Variants in WRN observed in about 807,000 individuals in gnomAD.
The protein encoded by WRN is bifunctional 3'-5' exonuclease/ATP-dependent helicase WRN.
WRN carries 149 observed loss-of-function variants against 180.7 expected under a neutral mutation model. That is an observed-to-expected ratio of 0.82 (90% CI 0.72 to 0.94). The LOEUF (loss-of-function observed/expected upper bound fraction) is 0.94, where lower values mean the gene tolerates loss of function less well. WRN is among the 40% of genes least tolerant of loss of function. The probability of loss-of-function intolerance (pLI) is 0.00; values close to 1 mark genes in which losing one functional copy is unlikely to be tolerated. For synonymous variants in WRN, 548 were observed against 568.9 expected (o/e 0.96, Z 0.52); for missense variants, 1,661 against 1,700.1 (o/e 0.98, Z 0.40).
chr8:31,049,237 A>AAG (rs34411476), intron 1 of WRN, among the ~76,000 whole-genome samples: 4 of 147,586 alleles, frequency 2.7e-5, no homozygotes, highest in Non-Finnish European at 4.5e-5. Context: ...AAAAAAAAAA[A>AAG]GAAAGAAAAT....
At chr8:31,096,619 A>T in intron 16 of WRN, 149 bp from the exon 17 acceptor site, 2 of 662,062 alleles carry the variant, frequency 3.0e-6, no homozygotes, top group South Asian at 3.8e-5. Flanking sequence ...GCATTCTTTT[A>T]GATTTTCGTG....
chr8:31,090,667 A>G, intron 14 of WRN, 135 bp downstream of exon 14: 1 of 1,100,110 alleles, frequency 9.1e-7, no homozygotes, highest in Non-Finnish European at 1.3e-6. Flanking sequence ...AGAGTGAACA[A>G]AGAACAGATG....
intron 17 of WRN, among the ~76,000 whole-genome samples, chr8:31,097,069 C>T (rs1814018321): frequency 1.3e-5 from 2 of 152,142 alleles, no homozygotes; most frequent in South Asian, 4.1e-4. Flanking sequence ...TCATAATTAC[C>T]TGTTTATATA....
In WRN at chr8:31,033,843, T is replaced by C. The variant is rs985936067; in HGVS notation, c.-207T>C. 1.3e-5 allele frequency: 2 copies of C among 152,352 alleles called. No individual in the cohort carries two copies. Among genetic ancestry groups the C allele is most frequent in the Non-Finnish European group, 2.9e-5 (2 of 68,164 alleles). 9.4% of individuals were successfully genotyped at this position (152,352 alleles called of 1,614,324 possible). A position where few individuals can be genotyped will look rare whatever the true frequency, so the allele number is the denominator to read the frequency against. On this transcript the variant is annotated 5_prime_UTR_variant, in exon 1 of 35. Transcript: ENST00000298139. ...TGTGCGCCGGGGAGGCGCCGGCTTG[T>C]ACTCGGCAGCGCGGGAATAAAGTTT...
rs11574225 is a variant in WRN, at chr8:31,082,414, G to A, written c.1269+1118G>A. Among the ~76,000 whole-genome samples the A allele has an allele frequency of 5.6e-3, 851 of 152,204 alleles. 6 individuals are homozygous for A. The highest frequency in any genetic ancestry group is 0.02 in the African/African-American group (828 of 41,512). On this transcript the variant is annotated intron_variant, in intron 9 of 34. Transcript: ENST00000298139. Reference sequence around the variant, plus strand: ...TAATCACTTTTATCAGTATAAACATGCATTTCATTTTAAAATGGTTTTCAA... The same window carrying A: ...TAATCACTTTTATCAGTATAAACATACATTTCATTTTAAAATGGTTTTCAA...
intron 11 of WRN, among the ~76,000 whole-genome samples, chr8:31,087,327 C>T (rs538701394): frequency 3.2e-4 from 49 of 152,152 alleles, no homozygotes; most frequent in African/African-American, 1.2e-3. Flanking sequence ...TTGACAATTC[C>T]AAAACACATT....
chr8:31,051,190 G>A (rs1333567436), intron 1 of WRN, among the ~76,000 whole-genome samples: 1 of 151,962 alleles, frequency 6.6e-6, no homozygotes, highest in African/African-American at 2.4e-5. Context: ...TCCTTACCTA[G>A]TTAGAGGTTT....
At position 31,090,839 on chromosome 8, in the gene WRN, G is replaced by C. The variant is rs1396973081; in HGVS notation, c.1726G>C (p.Gly576Arg). 12 of 1,606,434 alleles carry C rather than the reference G, an allele frequency of 7.5e-6. No homozygotes were observed. Among genetic ancestry groups the C allele is most frequent in the Non-Finnish European group, 1.0e-5 (12 of 1,175,740 alleles). Residue 576 changes from glycine (G) to arginine (R), a missense_variant, in exon 15 of 35, where the codon GGA becomes CGA. Around this residue, in one of 3 missense-constraint regions of WRN, gnomAD observed 1,141 missense variants for 1,149.4 expected, o/e 0.99. Coordinates refer to ENST00000298139, the MANE Select transcript of WRN (RefSeq NM_000553.6). ...TATATTTTTTTCATTTCAAGGATAT[G>C]GAAAGAGTTTGTGCTTCCAGTATCC... ...DNVAVMATGY[G>R]KSLCFQYPPV...
intron 7 of WRN, among the ~76,000 whole-genome samples, chr8:31,069,881 G>T (rs1812842183): frequency 6.6e-6 from 1 of 151,988 alleles, no homozygotes; most frequent in Non-Finnish European, 1.5e-5. Flanking sequence ...ATTGCATGTA[G>T]GTTACATGTA....
At chr8:31,148,027 A>G (rs951704622) in intron 30 of WRN, among the ~76,000 whole-genome samples, 6 of 151,856 alleles carry the variant, frequency 4.0e-5, no homozygotes, top group Non-Finnish European at 7.4e-5. Context: ...AGCTGGGACT[A>G]CAGAACATGC....
chr8:31,104,109 C>A (rs1190917142), intron 18 of WRN, among the ~76,000 whole-genome samples: 1 of 152,080 alleles, frequency 6.6e-6, no homozygotes, highest in Admixed American at 6.5e-5. Context: ...GGATAAATGT[C>A]CAGGAGTGTA....
At chr8:31,168,696 T>C (rs894397909) in intron 34 of WRN, among the ~76,000 whole-genome samples, 2 of 152,196 alleles carry the variant, frequency 1.3e-5, no homozygotes, top group African/African-American at 4.8e-5. Context: ...AAAAGCTGAT[T>C]TCTGTAGAGT....
At chr8:31,146,123 T>C (rs1368850807) in intron 28 of WRN, among the ~76,000 whole-genome samples, 1 of 151,920 alleles carries the variant, frequency 6.6e-6, no homozygotes, top group Non-Finnish European at 1.5e-5. Flanking sequence ...CCAGCTGATT[T>C]CCCTGGCGTG....
At chr8:31,139,067 T>G (rs532555368) in intron 24 of WRN, among the ~76,000 whole-genome samples, 1 of 152,346 alleles carries the variant, frequency 6.6e-6, no homozygotes, top group Non-Finnish European at 1.5e-5. Flanking sequence ...CAATGTATCT[T>G]TACATTTATG....
At chr8:31,084,802 C>T (rs1813460044) in intron 10 of WRN, among the ~76,000 whole-genome samples, 1 of 152,094 alleles carries the variant, frequency 6.6e-6, no homozygotes, top group Non-Finnish European at 1.5e-5. Context: ...GTTCTTTGTA[C>T]AGCATTTTTC....
chr8:31,068,226 CA>C, intron 6 of WRN, 31 bp from the exon 7 acceptor site: 1 of 1,495,392 alleles, frequency 6.7e-7, no homozygotes, highest in Non-Finnish European at 9.2e-7. Context: ...TGATCTTTAG[CA>C]TACTTTTTAA....
At chr8:31,133,518 C>T (rs1262907047) in intron 24 of WRN, among the ~76,000 whole-genome samples, 1 of 150,674 alleles carries the variant, frequency 6.6e-6, no homozygotes, top group East Asian at 1.9e-4. Flanking sequence ...GAGCAAGATT[C>T]TGTCTCAATA....
intron 6 of WRN, among the ~76,000 whole-genome samples, chr8:31,067,777 C>T (rs1002423352): frequency 6.6e-6 from 1 of 152,068 alleles, no homozygotes; most frequent in Non-Finnish European, 1.5e-5. Flanking sequence ...TCTCCTAACT[C>T]ATGCTTTCAT....
intron 18 of WRN, among the ~76,000 whole-genome samples, chr8:31,102,268 C>A (rs1800903628): frequency 6.6e-6 from 1 of 152,198 alleles, no homozygotes; most frequent in African/African-American, 2.4e-5. Flanking sequence ...AATATTATTT[C>A]AAGAATGTTA....
Sources: allele counts gnomAD v4.1 joint callset (sites outside exome capture counted in the v4.1 genomes callset), GRCh38; gene constraint gnomAD v4.1.1; regional missense constraint gnomAD v4.1.1; transcripts MANE v1.5; gene names NCBI Gene and HGNC (gene_info 2026-07-23, HGNC 2026-07-21).